The following EP300 variants were observed in gnomAD, a reference collection of about 807,000 sequenced individuals.
EP300 encodes the protein EP300 lysine acetyltransferase.
EP300 carries 31 observed loss-of-function variants against 264.0 expected under a neutral mutation model. That is an observed-to-expected ratio of 0.12 (90% confidence interval 0.09 to 0.16). The LOEUF is 0.16. Among genes scored for constraint, EP300 ranks in the 10% least tolerant of loss-of-function variants. The pLI is 1.00. For missense variants in EP300, 2,766 were observed against 3,052.9 expected (o/e 0.91, Z 2.21); for synonymous variants, 1,340 against 1,045.4 (o/e 1.28, Z -5.44).
chr22:41,157,980 T>C lies in EP300; in HGVS notation c.3502-432T>C, dbSNP rs945933592. ...CTCATCTGGAGTAGGGGCATTCTTA[T>C]ATTCACCTGTGGGTGCAGATTCCTC... On this transcript the variant is annotated intron_variant, in intron 18 of 30. Transcript: ENST00000263253. Among the ~76,000 whole-genome samples the C allele has an allele frequency of 3.3e-5, 5 of 152,394 alleles. No individual in the cohort carries two copies. In the Middle Eastern group the frequency reaches 0.01, roughly 311 times the overall value.
chr22:41,149,205 T>C (rs1337174974), intron 13 of EP300, 30 bp downstream of exon 13: 3 of 1,613,874 alleles, frequency 1.9e-6, no homozygotes, highest in Non-Finnish European at 2.5e-6. Context: ...TTTTCACTTA[T>C]TTTTGATTCT....
chr22:41,125,998 T>A lies in EP300; in HGVS notation c.864T>A (p.Ala288=), dbSNP rs2058880218. ...TVLSNNLSPF[A]MDKKAVPGGG... Reference sequence around the variant, plus strand: ...TATCAAATAACTTATCTCCATTTGCTATGGACAAAAAGGCAGTTCCTGGTG... The same window carrying A: ...TATCAAATAACTTATCTCCATTTGCAATGGACAAAAAGGCAGTTCCTGGTG... The change falls in exon 3 of 31, where the codon GCT becomes GCA. Residue 288 remains alanine (A), a synonymous_variant. Coordinates refer to ENST00000263253, the MANE Select transcript of EP300 (RefSeq NM_001429.4). 1 of 1,614,086 alleles carries A rather than the reference T, an allele frequency of 6.2e-7. No individual in the cohort carries two copies. The highest frequency in any genetic ancestry group is 8.5e-7 in the Non-Finnish European group (1 of 1,180,044).
chr22:41,130,002 G>A lies in EP300; in HGVS notation c.1281G>A (p.Gln427=), dbSNP rs2058908242. 1 of 1,607,804 alleles carries A rather than the reference G, an allele frequency of 6.2e-7. No individual in the cohort carries two copies. Among genetic ancestry groups the A allele is most frequent in the Admixed American group, 1.7e-5 (1 of 59,996 alleles). The stretch of plus-strand genomic sequence containing the variant: ...ATGCTGGTGATAAGAGAAATCAACA[G>A]CGTAAGTGATGAAATCTTTTGAAGG... ...LKNAGDKRNQ[Q]PILTGAPVGL... The change falls in exon 5 of 31, where the codon CAG becomes CAA. Residue 427 remains glutamine (Q), a splice_region_variant and synonymous_variant. Coordinates refer to ENST00000263253, the MANE Select transcript of EP300 (RefSeq NM_001429.4).
Position 41,166,674 on chromosome 22 carries a change from T to A in EP300, c.3874+8T>A. 6.2e-7 allele frequency: 1 copy of A among 1,607,332 alleles called. No individual in the cohort carries two copies. ...ATAAGTTTTCTGCTAAAAGTAAGTT[T>A]TATTCTTAAAGGTAAATTTTGGCAA... On this transcript the variant is annotated splice_region_variant and intron_variant, in intron 23 of 30. Coordinates refer to ENST00000263253, the MANE Select transcript of EP300 (RefSeq NM_001429.4).
At position 41,177,809 on chromosome 22, in the gene EP300, T is replaced by C. The variant is rs1295031994; in HGVS notation, c.6098T>C (p.Leu2033Ser). 6.2e-7 allele frequency: 1 copy of C among 1,613,960 alleles called. No homozygotes were observed. Among genetic ancestry groups the C allele is most frequent in the Admixed American group, 1.7e-5 (1 of 60,002 alleles). The stretch of plus-strand genomic sequence containing the variant: ...TTGAACATGGCTCCACAACCAGGAT[T>C]GGGCCAGGTAGGTATCAGCCCACTC... ...QPLNMAPQPG[L>S]GQVGISPLKP... The change falls in exon 31 of 31, where the codon TTG becomes TCG. Residue 2033 changes from leucine (L) to serine (S), a missense_variant. Leu to Ser is a moderately radical substitution (Grantham distance 145, BLOSUM62 -2). Coordinates refer to ENST00000263253, the MANE Select transcript of EP300 (RefSeq NM_001429.4).
chr22:41,124,686 T>C (rs1342685856), intron 2 of EP300, among the ~76,000 whole-genome samples: 1 of 152,152 alleles, frequency 6.6e-6, no homozygotes, highest in African/African-American at 2.4e-5. Flanking sequence ...TGCTTGAACA[T>C]GACAAAGGGG....
At chr22:41,140,970 C>G (rs2058978855) in intron 9 of EP300, 78 bp from the exon 10 acceptor site, 5 of 1,341,462 alleles carry the variant, frequency 3.7e-6, no homozygotes, top group Non-Finnish European at 5.2e-6. Flanking sequence ...AATATCTATT[C>G]TCAGTTTATT....
intron 1 of EP300, among the ~76,000 whole-genome samples, chr22:41,113,888 TA>T (rs1013476432): frequency 3.8e-4 from 58 of 152,198 alleles, no homozygotes; most frequent in African/African-American, 1.4e-3. Flanking sequence ...GGTTTTGAAA[TA>T]TATTTTTTAT....
intron 16 of EP300, among the ~76,000 whole-genome samples, chr22:41,152,701 C>T (rs1039896782): frequency 3.9e-5 from 6 of 151,964 alleles, no homozygotes; most frequent in Admixed American, 6.6e-5. Context: ...TTGTCATTCA[C>T]CTGCTGTGTG....
intron 30 of EP300, 73 bp from the exon 31 acceptor site, chr22:41,176,700 A>T: frequency 6.2e-7 from 1 of 1,613,182 alleles, no homozygotes; most frequent in South Asian, 1.1e-5. Flanking sequence ...TTTCTAGCCC[A>T]AACAATATCT....
In EP300 at chr22:41,149,845, C is replaced by T; in HGVS notation, c.2464C>T (p.Leu822Phe). 2.5e-6 allele frequency: 4 copies of T among 1,614,096 alleles called. No homozygotes were observed. Among genetic ancestry groups the T allele is most frequent in the Non-Finnish European group, 3.4e-6 (4 of 1,180,016 alleles). The change falls in exon 14 of 31, where the codon CTT (leucine) becomes TTT (phenylalanine). Residue 822 changes from leucine to phenylalanine, a missense_variant. Leu to Phe is a conservative substitution (Grantham distance 22, BLOSUM62 0). Transcript: ENST00000263253. The stretch of plus-strand genomic sequence containing the variant: ...GGGGAGCCACATTCACTGTCCCCAG[C>T]TTCCTCAACCAGCTCTTCATCAGAA... ...SQGSHIHCPQ[L>F]PQPALHQNSP... is the part of the protein sequence containing the mutation.
intron 5 of EP300, among the ~76,000 whole-genome samples, chr22:41,131,038 A>T (rs1482776348): frequency 6.6e-6 from 1 of 152,222 alleles, no homozygotes; most frequent in African/African-American, 2.4e-5. Flanking sequence ...TATTAAGAAG[A>T]GAAATAAGGT....
At chr22:41,131,293 G>A (rs970209996) in intron 5 of EP300, 95 bp from the exon 6 acceptor site, 55 of 1,348,786 alleles carry the variant, frequency 4.1e-5, no homozygotes, top group African/African-American at 3.5e-4. Flanking sequence ...TCATAATCAC[G>A]TAACAATAAT....
chr22:41,170,319 A>G (rs1569117336), intron 26 of EP300, 87 bp from the exon 27 acceptor site: 5 of 1,290,754 alleles, frequency 3.9e-6, no homozygotes, highest in South Asian at 1.2e-5. Context: ...ATTGGTATCT[A>G]TATCAACTCC....
intron 2 of EP300, among the ~76,000 whole-genome samples, chr22:41,123,074 TTG>T (rs2058861375): frequency 6.6e-6 from 1 of 152,166 alleles, no homozygotes; most frequent in African/African-American, 2.4e-5. Flanking sequence ...ATTAAGAGCT[TTG>T]TACCTGTCCA....
chr22:41,111,613 G>A (rs2058790929), intron 1 of EP300, among the ~76,000 whole-genome samples: 1 of 151,808 alleles, frequency 6.6e-6, no homozygotes, highest in Non-Finnish European at 1.5e-5. Flanking sequence ...CACTATCTGG[G>A]CTCACCACAA....
intron 25 of EP300, chr22:41,169,075 G>A (rs2059155951): frequency 8.8e-6 from 6 of 678,194 alleles, no homozygotes; most frequent in Middle Eastern, 3.9e-4. Context: ...TGTGGTCATA[G>A]TAATAAAGGA....
rs752180681 is a variant in EP300, at chr22:41,168,707, T to C, written c.4026-14T>C. On this transcript the variant is annotated splice_polypyrimidine_tract_variant and intron_variant, in intron 24 of 30. Coordinates refer to ENST00000263253, the MANE Select transcript of EP300 (RefSeq NM_001429.4). The stretch of plus-strand genomic sequence containing the variant: ...GAGTTATGTTGTGGTTCCCCCACCA[T>C]CTCAATTGTATAGGTTTGTGGACAG... 1 of 1,614,238 alleles carries C rather than the reference T, an allele frequency of 6.2e-7. No individual in the cohort carries two copies. The highest frequency in any genetic ancestry group is 8.5e-7 in the Non-Finnish European group (1 of 1,180,048).
chr22:41,138,808 TTGAC>T (rs1213874980), intron 8 of EP300, among the ~76,000 whole-genome samples: 5 of 152,332 alleles, frequency 3.3e-5, no homozygotes, highest in African/African-American at 4.8e-5. Flanking sequence ...TATTTTTTAA[TTGAC>T]TGAGGAACTA....
Sources: allele counts gnomAD v4.1 joint callset (sites outside exome capture counted in the v4.1 genomes callset), GRCh38; gene constraint gnomAD v4.1.1; transcripts MANE v1.5; gene names NCBI Gene and HGNC (gene_info 2026-07-23, HGNC 2026-07-21).